The following EFNA5 variants were observed in gnomAD, a reference collection of about 807,000 sequenced individuals.
EFNA5 encodes ephrin-A5.
Under a neutral mutation model 22.9 loss-of-function variants are expected in EFNA5, and 5 were observed. That is an observed-to-expected ratio of 0.22 (90% CI 0.11 to 0.46). The LOEUF is 0.46. EFNA5 is among the 20% of genes least tolerant of loss of function. The probability of loss-of-function intolerance (pLI) is 0.99; values close to 1 mark genes in which losing one functional copy is unlikely to be tolerated. For synonymous variants in EFNA5, 113 were observed against 112.2 expected (o/e 1.01, Z -0.04); for missense variants, 237 against 293.3 (o/e 0.81, Z 1.40).
intron 1 of EFNA5, among the ~76,000 whole-genome samples, chr5:107,513,260 G>C (rs1747409818): frequency 6.6e-6 from 1 of 152,166 alleles, no homozygotes; most frequent in Admixed American, 6.5e-5. Flanking sequence ...GAGAGGGAGA[G>C]GGAGAGAGAG....
rs538644297 is a variant in EFNA5, at chr5:107,431,063, C to T, written c.126-3554G>A. ...TGCTGGGATTACAGGCGTGAGCCAC[C>T]GCGCCCGGCCACAATTAGTATTTCT... On this transcript the variant is annotated intron_variant, in intron 1 of 4. Coordinates refer to ENST00000333274, the MANE Select transcript of EFNA5 (RefSeq NM_001962.3). Among the ~76,000 whole-genome samples, 117 of 152,188 alleles carry T rather than the reference C, an allele frequency of 7.7e-4. 1 individual carries two copies. In the Middle Eastern group the frequency reaches 0.01, roughly 13 times the overall value.
intron 1 of EFNA5, among the ~76,000 whole-genome samples, chr5:107,489,613 T>C (rs1322759245): frequency 1.3e-5 from 2 of 152,064 alleles, no homozygotes; most frequent in East Asian, 1.9e-4. Context: ...GTGCCTTCAC[T>C]GGACCCTAAA....
intron 1 of EFNA5, among the ~76,000 whole-genome samples, chr5:107,569,588 T>C (rs1199086417): frequency 1.1e-5 from 1 of 92,360 alleles, no homozygotes; most frequent in Non-Finnish European, 2.4e-5. Context: ...TATATATATA[T>C]ATATATATTC....
At chr5:107,647,943 C>A (rs896727402) in intron 1 of EFNA5, among the ~76,000 whole-genome samples, 22 of 152,196 alleles carry the variant, frequency 1.4e-4, no homozygotes, top group African/African-American at 5.1e-4. Context: ...GCAAAGCTGT[C>A]CAAAGCAAGA....
At chr5:107,488,536 G>A (rs1045983457) in intron 1 of EFNA5, among the ~76,000 whole-genome samples, 2 of 151,980 alleles carry the variant, frequency 1.3e-5, no homozygotes, top group Admixed American at 6.5e-5. Context: ...CTGTCAGCAG[G>A]GAATCCTACA....
chr5:107,480,799 G>A (rs1167137430), intron 1 of EFNA5, among the ~76,000 whole-genome samples: 2 of 152,228 alleles, frequency 1.3e-5, no homozygotes, highest in African/African-American at 4.8e-5. Context: ...CTTGTACTGG[G>A]AGTGAAGGCA....
intron 1 of EFNA5, among the ~76,000 whole-genome samples, chr5:107,543,941 G>C (rs1748097949): frequency 6.6e-6 from 1 of 152,200 alleles, no homozygotes; most frequent in Non-Finnish European, 1.5e-5. Context: ...CAGAGCGGCA[G>C]CTCTGCCTCC....
intron 1 of EFNA5, among the ~76,000 whole-genome samples, chr5:107,451,426 G>A (rs988521295): frequency 4.6e-5 from 7 of 152,190 alleles, no homozygotes; most frequent in African/African-American, 9.6e-5. Flanking sequence ...TTTCCTAAGA[G>A]CCACAAATAG....
chr5:107,500,675 G>T (rs1287903799), intron 1 of EFNA5, among the ~76,000 whole-genome samples: 1 of 151,938 alleles, frequency 6.6e-6, no homozygotes, highest in African/African-American at 2.4e-5. Context: ...CCCTATTTGT[G>T]TACTGAAGCA....
chr5:107,582,017 G>T (rs1424552676), intron 1 of EFNA5, among the ~76,000 whole-genome samples: 1 of 152,090 alleles, frequency 6.6e-6, no homozygotes, highest in East Asian at 1.9e-4. Context: ...GCTTTGCATA[G>T]GTACCCAGAA....
chr5:107,569,939 T>G (rs1307815611), intron 1 of EFNA5, among the ~76,000 whole-genome samples: 2 of 151,854 alleles, frequency 1.3e-5, no homozygotes, highest in Non-Finnish European at 2.9e-5. Context: ...TGTACACCAC[T>G]TTTTATTTTG....
intron 1 of EFNA5, among the ~76,000 whole-genome samples, chr5:107,641,326 C>T (rs1043925475): frequency 1.3e-5 from 2 of 150,860 alleles, no homozygotes; most frequent in African/African-American, 4.9e-5. Flanking sequence ...CCACCGCACT[C>T]CAGCCTGGGC....
chr5:107,570,552 G>A (rs567301825), intron 1 of EFNA5, among the ~76,000 whole-genome samples: 25 of 151,798 alleles, frequency 1.6e-4, no homozygotes, highest in Non-Finnish European at 3.4e-4. Context: ...CAACTTCCTG[G>A]TCGGTGTCCA....
chr5:107,387,929 T>C (rs1259604407), intron 2 of EFNA5, among the ~76,000 whole-genome samples, 158 bp from the exon 3 acceptor site: 1 of 152,214 alleles, frequency 6.6e-6, no homozygotes, highest in Admixed American at 6.5e-5. Context: ...AACAGTACTT[T>C]TCAGGTCTCA....
intron 1 of EFNA5, among the ~76,000 whole-genome samples, chr5:107,506,894 A>G (rs987397427): frequency 6.6e-6 from 1 of 152,238 alleles, no homozygotes; most frequent in Non-Finnish European, 1.5e-5. Flanking sequence ...TGTTACTAAT[A>G]GTTTTTAATG....
intron 1 of EFNA5, among the ~76,000 whole-genome samples, chr5:107,641,874 G>C (rs763358211): frequency 6.6e-6 from 1 of 151,880 alleles, no homozygotes. Flanking sequence ...TGTCCACCCA[G>C]ACAAAGAACA....
At chr5:107,601,341 A>G (rs1749589324) in intron 1 of EFNA5, among the ~76,000 whole-genome samples, 1 of 152,220 alleles carries the variant, frequency 6.6e-6, no homozygotes, top group African/African-American at 2.4e-5. Context: ...AAGATAACGT[A>G]ACCCATAAAG....
chr5:107,592,008 TATATATA>T lies in EFNA5; in HGVS notation c.125+78474_125+78480del, dbSNP rs1749371944. On this transcript the variant is annotated intron_variant, in intron 1 of 4. Coordinates refer to ENST00000333274, the MANE Select transcript of EFNA5 (RefSeq NM_001962.3). ...AATATATAATATATATAATATATAA[TATATATA>T]ATATAATATATATTATATATTATAT... Among the ~76,000 whole-genome samples the T allele has an allele frequency of 7.8e-5, 4 of 51,284 alleles. 1 individual carries two copies. The highest frequency in any genetic ancestry group is 3.8e-4 in the African/African-American group (3 of 7,974). 33.6% of individuals were successfully genotyped at this position (51,284 alleles called of 152,430 possible).
intron 2 of EFNA5, among the ~76,000 whole-genome samples, chr5:107,418,509 G>A (rs1218564646): frequency 2.6e-5 from 4 of 152,186 alleles, no homozygotes; most frequent in Non-Finnish European, 5.9e-5. Context: ...AGTCTCAGTA[G>A]GGTAAAGGAA....
Sources: allele counts gnomAD v4.1 joint callset (sites outside exome capture counted in the v4.1 genomes callset), GRCh38; gene constraint gnomAD v4.1.1; transcripts MANE v1.5; gene names NCBI Gene and HGNC (gene_info 2026-07-23, HGNC 2026-07-21).